Variants in PPM1E observed in about 807,000 individuals in gnomAD.
PPM1E encodes protein phosphatase 1E.
PPM1E carries 20 observed loss-of-function variants against 65.9 expected under a neutral mutation model. The observed-to-expected ratio is 0.30, with a 90% CI of 0.21 to 0.44. PPM1E has a LOEUF of 0.44. Among genes scored for constraint, PPM1E ranks in the 20% least tolerant of loss-of-function variants. PPM1E has a pLI of 1.00. For missense variants in PPM1E, 713 were observed against 953.1 expected (o/e 0.75, Z 3.32); for synonymous variants, 352 against 374.9 (o/e 0.94, Z 0.70).
Position 58,849,548 on chromosome 17 carries a change from T to G in PPM1E, c.464+93087T>G, listed in dbSNP as rs370342037. Among the ~76,000 whole-genome samples, 543 of 152,244 alleles carry G rather than the reference T, an allele frequency of 3.6e-3. 4 individuals carry two copies. Among genetic ancestry groups the G allele is most frequent in the South Asian group, 0.024 (115 of 4,830 alleles). On this transcript the variant is annotated intron_variant, in intron 1 of 6. Transcript: ENST00000308249. The stretch of plus-strand genomic sequence containing the variant: ...TTATGTACCCAGTAGTCATTCAGGA[T>G]CAGGTTGTTCAGTTTCCATGTAGTT...
chr17:58,780,032 A>G (rs755044491), intron 1 of PPM1E, among the ~76,000 whole-genome samples: 3 of 152,216 alleles, frequency 2.0e-5, no homozygotes, highest in African/African-American at 4.8e-5. Context: ...TGTTACAAAG[A>G]ATGCTGCAGT....
At chr17:58,792,151 T>G (rs1443086954) in intron 1 of PPM1E, among the ~76,000 whole-genome samples, 1 of 151,724 alleles carries the variant, frequency 6.6e-6, no homozygotes, top group Non-Finnish European at 1.5e-5. Context: ...AGATTCCAAG[T>G]TAAATATGCC....
intron 1 of PPM1E, among the ~76,000 whole-genome samples, chr17:58,837,590 C>G (rs2050676252): frequency 6.6e-6 from 1 of 151,528 alleles, no homozygotes; most frequent in African/African-American, 2.4e-5. Flanking sequence ...CTCTGCCTCC[C>G]AGGTACAAGT....
intron 1 of PPM1E, among the ~76,000 whole-genome samples, chr17:58,892,042 G>A (rs971121049): frequency 6.6e-6 from 1 of 151,808 alleles, no homozygotes; most frequent in African/African-American, 2.4e-5. Context: ...TGCCATGTTG[G>A]CCAGGCTGGT....
chr17:58,922,525 A>T (rs2051765727), intron 1 of PPM1E, among the ~76,000 whole-genome samples: 1 of 152,018 alleles, frequency 6.6e-6, no homozygotes, highest in Non-Finnish European at 1.5e-5. Context: ...AAGTGTTGGG[A>T]TTGCAGATGT....
intron 1 of PPM1E, among the ~76,000 whole-genome samples, chr17:58,847,840 G>T (rs1366535268): frequency 3.3e-5 from 5 of 152,112 alleles, no homozygotes; most frequent in Non-Finnish European, 7.4e-5. Flanking sequence ...GGATGGCATT[G>T]AATCTATAAA....
chr17:58,952,199 T>C (rs1009255704), intron 1 of PPM1E, among the ~76,000 whole-genome samples: 1 of 152,204 alleles, frequency 6.6e-6, no homozygotes, highest in Non-Finnish European at 1.5e-5. Context: ...GTTGGGACCA[T>C]TGGACTATTT....
chr17:58,821,730 T>C (rs2143138795), intron 1 of PPM1E, among the ~76,000 whole-genome samples: 1 of 152,280 alleles, frequency 6.6e-6, no homozygotes, highest in South Asian at 2.1e-4. Context: ...TCTTTAACAA[T>C]GAAGAAACTT....
chr17:58,842,172 A>T (rs967911903), intron 1 of PPM1E, among the ~76,000 whole-genome samples: 1 of 152,166 alleles, frequency 6.6e-6, no homozygotes, highest in African/African-American at 2.4e-5. Context: ...ATAGAGGGCC[A>T]TCCTGTAGTA....
intron 1 of PPM1E, among the ~76,000 whole-genome samples, chr17:58,850,834 G>A (rs1305729690): frequency 1.3e-5 from 2 of 152,130 alleles, no homozygotes; most frequent in Non-Finnish European, 2.9e-5. Context: ...GCCTTGCTAC[G>A]TTGGGGAAGT....
intron 1 of PPM1E, among the ~76,000 whole-genome samples, chr17:58,810,224 T>TC (rs1489644169): frequency 1.3e-5 from 2 of 152,142 alleles, no homozygotes; most frequent in African/African-American, 4.8e-5. Context: ...GTTTTTTTTT[T>TC]CTGAGACGGA....
intron 1 of PPM1E, among the ~76,000 whole-genome samples, chr17:58,914,012 A>G (rs186270563): frequency 6.6e-6 from 1 of 152,280 alleles, no homozygotes; most frequent in Admixed American, 6.5e-5. Flanking sequence ...AATTCCTCCT[A>G]TAGTTCCTCC....
chr17:58,972,319 G>A, intron 5 of PPM1E, 44 bp downstream of exon 5: 1 of 1,548,832 alleles, frequency 6.5e-7, no homozygotes, highest in African/African-American at 1.4e-5. Flanking sequence ...CTAGTTATTA[G>A]TTTAGATTTT....
intron 1 of PPM1E, among the ~76,000 whole-genome samples, chr17:58,892,761 CA>C (rs2051363832): frequency 1.3e-5 from 2 of 152,096 alleles, no homozygotes; most frequent in South Asian, 4.2e-4. Flanking sequence ...ATGGACAACC[CA>C]ATTTAAACAT....
chr17:58,980,468 T>C lies in PPM1E; in HGVS notation c.1705T>C (p.Tyr569His), dbSNP rs1335276293. The change falls in exon 7 of 7, where the codon TAC becomes CAC. Residue 569 changes from tyrosine to histidine, a missense_variant. This residue lies in a region of PPM1E where 286 missense variants were observed against 313.8 expected (regional missense o/e 0.91). Transcript: ENST00000308249. The surrounding 1 kb of genome is among the most constrained non-coding windows in gnomAD (Gnocchi z 4.7). ...AATCAACGTGCTGGAAGACCCAGGC[T>C]ACCTAGATCTCACACAAATAGAAGC... ...SQINVLEDPG[Y>H]LDLTQIEASK... 1.2e-6 allele frequency: 2 copies of C among 1,614,064 alleles called. No homozygotes were observed. The highest frequency in any genetic ancestry group is 1.7e-6 in the Non-Finnish European group (2 of 1,180,034).
chr17:58,878,050 A>G (rs919956657), intron 1 of PPM1E, among the ~76,000 whole-genome samples: 3 of 152,200 alleles, frequency 2.0e-5, no homozygotes, highest in Non-Finnish European at 4.4e-5. Context: ...TAAAAGCGTG[A>G]AAGAGGAAAT....
chr17:58,919,411 G>T (rs1053514182), intron 1 of PPM1E, among the ~76,000 whole-genome samples: 1 of 152,140 alleles, frequency 6.6e-6, no homozygotes, highest in South Asian at 2.1e-4. Flanking sequence ...TTTTGGCACC[G>T]TGGTTTTAAG....
At position 58,969,736 on chromosome 17, in the gene PPM1E, C is replaced by G; in HGVS notation, c.972+9C>G. On this transcript the variant is annotated intron_variant, in intron 4 of 6. Transcript: ENST00000308249. ...AGAAAGCAGCCAGGGAGGTATGCCC[C>G]TTTCTCATAAGTTCCAGCTAGAAAT... is the stretch of plus-strand genomic sequence containing the variant. The G allele has an allele frequency of 6.2e-7, 1 of 1,613,278 alleles. No homozygotes were observed. The highest frequency in any genetic ancestry group is 8.5e-7 in the Non-Finnish European group (1 of 1,179,502).
At position 58,805,172 on chromosome 17, in the gene PPM1E, A is replaced by C. The variant is rs2050293694; in HGVS notation, c.464+48711A>C. ...ACAGGTGGTGTTTGGTTACATGAAT[A>C]AGATCTTTAGTGGTGATTTCTGAGA... On this transcript the variant is annotated intron_variant, in intron 1 of 6. Transcript: ENST00000308249. Among the ~76,000 whole-genome samples the C allele has an allele frequency of 3.3e-5, 5 of 152,038 alleles. No homozygotes were observed. The South Asian group carries it at 1.0e-3, about 32-fold the overall frequency.
Sources: allele counts gnomAD v4.1 joint callset (sites outside exome capture counted in the v4.1 genomes callset), GRCh38; gene constraint gnomAD v4.1.1; regional missense constraint gnomAD v4.1.1; non-coding constraint Gnocchi (gnomAD v3.1); transcripts MANE v1.5; gene names NCBI Gene and HGNC (gene_info 2026-07-23, HGNC 2026-07-21).